Variants in DLG2 observed in about 807,000 individuals in gnomAD.
DLG2 encodes the protein disks large homolog 2.
DLG2 carries 45 observed loss-of-function variants against 132.5 expected under a neutral mutation model. That is an observed-to-expected ratio of 0.34 (90% CI 0.27 to 0.44). DLG2 has a LOEUF of 0.44. Ranked by LOEUF, DLG2 falls within the 20% of genes least tolerant of loss-of-function variation. The pLI is 1.00. For synonymous variants in DLG2, 424 were observed against 419.6 expected (o/e 1.01, Z -0.13); for missense variants, 1,045 against 1,196.9 (o/e 0.87, Z 1.87).
chr11:84,714,647 T>TTCTCTCTC (rs754541162), intron 6 of DLG2, among the ~76,000 whole-genome samples: 1 of 90,650 alleles, frequency 1.1e-5, no homozygotes, highest in African/African-American at 5.9e-5. Context: ...CTCTCTCTCT[T>TTCTCTCTC]TCTCTCTCTC....
intron 6 of DLG2, among the ~76,000 whole-genome samples, chr11:84,802,639 CAA>C (rs1295934007): frequency 1.0e-4 from 9 of 88,000 alleles, no homozygotes; most frequent in Admixed American, 1.3e-4. Flanking sequence ...AACAAGTCAG[CAA>C]AAAAAAAAAA....
chr11:84,396,187 C>T (rs2098810359), intron 7 of DLG2, among the ~76,000 whole-genome samples: 1 of 152,108 alleles, frequency 6.6e-6, no homozygotes, highest in African/African-American at 2.4e-5. Context: ...CTTATAGCTC[C>T]ACTTTTCCCA....
At chr11:85,007,485 C>A (rs549338119) in intron 6 of DLG2, among the ~76,000 whole-genome samples, 1 of 150,874 alleles carries the variant, frequency 6.6e-6, no homozygotes, top group African/African-American at 2.4e-5. Flanking sequence ...ACGGTGAAAC[C>A]CCATCTCTAC....
At chr11:84,040,377 C>G (rs1473594923) in intron 11 of DLG2, among the ~76,000 whole-genome samples, 21 of 151,838 alleles carry the variant, frequency 1.4e-4, no homozygotes, top group African/African-American at 5.1e-4. Flanking sequence ...GTCTTTAATC[C>G]ATCTTGAATT....
intron 4 of DLG2, among the ~76,000 whole-genome samples, chr11:85,197,294 G>C (rs1005711700): frequency 2.6e-5 from 4 of 151,928 alleles, no homozygotes; most frequent in South Asian, 4.2e-4. Flanking sequence ...CTTGATCCTA[G>C]ATATCTTTGG....
chr11:85,541,546 C>G (rs1035029632), intron 3 of DLG2, among the ~76,000 whole-genome samples: 5 of 151,362 alleles, frequency 3.3e-5, no homozygotes, highest in African/African-American at 1.2e-4. Context: ...AAAGTTGGGT[C>G]AATAAATGAC....
rs1234289178 is a variant in DLG2, at chr11:83,458,365, G to A, written c.*1453C>T. The A allele has an allele frequency of 6.6e-6, 1 of 152,500 alleles. No homozygotes were observed. The highest frequency in any genetic ancestry group is 2.4e-5 in the African/African-American group (1 of 41,396). The allele number at this position is 152,500 out of a possible 1,614,324, so 9.4% of individuals were successfully genotyped here. On this transcript the variant is annotated 3_prime_UTR_variant, in exon 28 of 28. Transcript: ENST00000376104. ...TTGTTAAAAAATAAACTTGGTCCAGGTGCAGCTCCAAGAAAGGCAGTTCAG... is the reference window on the plus strand; with the variant it reads ...TTGTTAAAAAATAAACTTGGTCCAGATGCAGCTCCAAGAAAGGCAGTTCAG...
chr11:85,485,089 A>C (rs1337399055), intron 3 of DLG2, among the ~76,000 whole-genome samples: 1 of 152,042 alleles, frequency 6.6e-6, no homozygotes, highest in Non-Finnish European at 1.5e-5. Context: ...ATTCTCAGCA[A>C]ACTATCGCAA....
chr11:84,923,844 C>T (rs1306192677), intron 6 of DLG2, among the ~76,000 whole-genome samples: 2 of 152,130 alleles, frequency 1.3e-5, no homozygotes, highest in Non-Finnish European at 2.9e-5. Flanking sequence ...CTTCCCTGCC[C>T]TGTTACATCT....
At chr11:83,662,379 G>A (rs1316213082) in intron 18 of DLG2, among the ~76,000 whole-genome samples, 7 of 152,142 alleles carry the variant, frequency 4.6e-5, no homozygotes, top group East Asian at 1.9e-4. Flanking sequence ...CCAAAGACAC[G>A]ACCCCCAGCT....
At chr11:84,445,525 T>C (rs887688685) in intron 7 of DLG2, among the ~76,000 whole-genome samples, 3 of 152,196 alleles carry the variant, frequency 2.0e-5, no homozygotes, top group Non-Finnish European at 4.4e-5. Context: ...ATACTTTTTT[T>C]TGCCTTTCTT....
At position 84,728,190 on chromosome 11, in the gene DLG2, A is replaced by T. The variant is rs2062721203; in HGVS notation, c.358-193459T>A. On this transcript the variant is annotated intron_variant, in intron 6 of 27. Coordinates refer to ENST00000376104, the MANE Select transcript of DLG2 (RefSeq NM_001142699.3). ...GCCAATTTTCAAAGGGAATGCTTCC[A>T]GTTTTTGCCCATTTAGTATGATATT... Among the ~76,000 whole-genome samples, 5 of 152,144 alleles carry T rather than the reference A, an allele frequency of 3.3e-5. No individual in the cohort carries two copies. The South Asian group carries it at 1.0e-3, about 31-fold the overall frequency.
intron 15 of DLG2, among the ~76,000 whole-genome samples, chr11:83,889,385 T>C (rs1359108865): frequency 2.6e-5 from 4 of 152,014 alleles, no homozygotes; most frequent in African/African-American, 4.8e-5. Context: ...ATCAGAGAAA[T>C]GCAAATCAAA....
At chr11:84,910,229 G>A (rs1016901181) in intron 6 of DLG2, among the ~76,000 whole-genome samples, 2 of 152,094 alleles carry the variant, frequency 1.3e-5, no homozygotes, top group Admixed American at 1.3e-4. Flanking sequence ...AATCATTTCT[G>A]CAAAACTATC....
chr11:83,859,215 G>A (rs748334531), intron 16 of DLG2, among the ~76,000 whole-genome samples: 7 of 152,208 alleles, frequency 4.6e-5, no homozygotes, highest in Non-Finnish European at 8.8e-5. Flanking sequence ...CCGAAAATGT[G>A]GAAGTGACTT....
chr11:85,090,509 A>T (rs551841760), intron 6 of DLG2, among the ~76,000 whole-genome samples: 1 of 152,146 alleles, frequency 6.6e-6, no homozygotes, highest in African/African-American at 2.4e-5. Flanking sequence ...ATTTTCACAC[A>T]TCTGTACTTA....
chr11:84,612,255 GTTTA>G (rs2099596773), intron 6 of DLG2, among the ~76,000 whole-genome samples: 1 of 151,992 alleles, frequency 6.6e-6, no homozygotes. Context: ...TGTGTCAATA[GTTTA>G]TTTCTTTCTG....
intron 18 of DLG2, among the ~76,000 whole-genome samples, chr11:83,755,708 T>C (rs17482676): frequency 0.16 from 23,503 of 150,930 alleles, 2,429 homozygotes; most frequent in African/African-American, 0.22. Flanking sequence ...ACCTCAGGGG[T>C]CAATTTTTAG....
At chr11:84,841,809 A>C (rs1163532985) in intron 6 of DLG2, among the ~76,000 whole-genome samples, 1 of 151,994 alleles carries the variant, frequency 6.6e-6, no homozygotes, top group Non-Finnish European at 1.5e-5. Context: ...TTTTAGTCTT[A>C]GGTCTTCCTA....
Sources: allele counts gnomAD v4.1 joint callset (sites outside exome capture counted in the v4.1 genomes callset), GRCh38; gene constraint gnomAD v4.1.1; transcripts MANE v1.5; gene names NCBI Gene and HGNC (gene_info 2026-07-23, HGNC 2026-07-21).